The following SPATA6 variants were observed in gnomAD, a reference collection of about 807,000 sequenced individuals.
The protein encoded by SPATA6 is spermatogenesis associated 6.
In SPATA6, 56 loss-of-function variants were observed where a neutral mutation model predicts 65.3. The observed-to-expected ratio is 0.86, with a 90% CI of 0.69 to 1.07. The LOEUF (loss-of-function observed/expected upper bound fraction) is 1.07, where lower values mean the gene tolerates loss of function less well. Ranked by LOEUF, SPATA6 falls within the 50% of genes least tolerant of loss-of-function variation. The probability of loss-of-function intolerance (pLI) is 0.00; values close to 1 mark genes in which losing one functional copy is unlikely to be tolerated. For synonymous variants in SPATA6, 199 were observed against 213.2 expected (o/e 0.93, Z 0.58); for missense variants, 590 against 594.8 (o/e 0.99, Z 0.08).
intron 10 of SPATA6, among the ~76,000 whole-genome samples, chr1:48,356,545 G>A (rs1322722261): frequency 2.4e-5 from 3 of 126,494 alleles, no homozygotes; most frequent in East Asian, 4.4e-4. Flanking sequence ...ACGGAGTCTC[G>A]CTCTGTCACC....
intron 11 of SPATA6, among the ~76,000 whole-genome samples, chr1:48,311,396 A>G (rs1021226614): frequency 9.2e-5 from 14 of 152,116 alleles, no homozygotes; most frequent in African/African-American, 3.4e-4. Flanking sequence ...GTAATAAGGA[A>G]ATGCATGAAA....
intron 11 of SPATA6, among the ~76,000 whole-genome samples, chr1:48,317,836 G>A (rs1041651431): frequency 6.6e-6 from 1 of 152,038 alleles, no homozygotes; most frequent in Non-Finnish European, 1.5e-5. Flanking sequence ...TTATTCCTTT[G>A]ATACCAAAAG....
chr1:48,467,358 G>C (rs1657890183), intron 1 of SPATA6, among the ~76,000 whole-genome samples: 2 of 152,064 alleles, frequency 1.3e-5, no homozygotes, highest in Admixed American at 1.3e-4. Flanking sequence ...GGCAATCAAA[G>C]ATAACACCTA....
chr1:48,437,677 G>A (rs1279561323), intron 3 of SPATA6, among the ~76,000 whole-genome samples: 39 of 152,238 alleles, frequency 2.6e-4, no homozygotes, highest in Non-Finnish European at 1.5e-5. Context: ...TTTTCTGGTA[G>A]AGGGAAAATG....
intron 8 of SPATA6, among the ~76,000 whole-genome samples, chr1:48,388,153 C>G (rs970351359): frequency 3.3e-5 from 5 of 152,104 alleles, no homozygotes; most frequent in Non-Finnish European, 7.4e-5. Context: ...TGTCCCAGTC[C>G]TCAGCAAAAC....
At chr1:48,445,805 T>C (rs1247245340) in intron 3 of SPATA6, among the ~76,000 whole-genome samples, 1 of 151,854 alleles carries the variant, frequency 6.6e-6, no homozygotes, top group East Asian at 1.9e-4. Context: ...TGATGAAAAG[T>C]ATGGAACACA....
chr1:48,271,838 C>T, the SPATA6 span, among the ~76,000 whole-genome samples: 1 of 151,972 alleles, frequency 6.6e-6, no homozygotes, highest in Non-Finnish European at 1.5e-5. Flanking sequence ...ATGACCCTTC[C>T]CTAGAAGAGC....
intron 3 of SPATA6, among the ~76,000 whole-genome samples, chr1:48,441,886 T>C (rs1024478987): frequency 6.6e-6 from 1 of 152,150 alleles, no homozygotes; most frequent in African/African-American, 2.4e-5. Flanking sequence ...AAAGGAAGTT[T>C]ATGGCTATCA....
At chr1:48,363,802 T>C (rs562223871) in intron 9 of SPATA6, among the ~76,000 whole-genome samples, 7 of 151,668 alleles carry the variant, frequency 4.6e-5, no homozygotes, top group African/African-American at 1.4e-4. Context: ...TTTTTAAATT[T>C]ATTTTATTAT....
At chr1:48,377,487 G>T (rs1648053306) in intron 9 of SPATA6, among the ~76,000 whole-genome samples, 1 of 151,998 alleles carries the variant, frequency 6.6e-6, no homozygotes, top group Non-Finnish European at 1.5e-5. Flanking sequence ...CATCTTCAAA[G>T]CTCAACATCC....
chr1:48,455,097 A>C (rs80277296), intron 1 of SPATA6, among the ~76,000 whole-genome samples: 1 of 152,242 alleles, frequency 6.6e-6, no homozygotes, highest in East Asian at 1.9e-4. Context: ...TCTGTCCATA[A>C]GGTTCATTTC....
intron 11 of SPATA6, among the ~76,000 whole-genome samples, chr1:48,311,956 G>A (rs1011085962): frequency 6.6e-6 from 1 of 152,190 alleles, no homozygotes; most frequent in Non-Finnish European, 1.5e-5. Flanking sequence ...TACGCCCACG[G>A]AGCCTCACTC....
At chr1:48,354,769 G>C (rs1646609982) in intron 11 of SPATA6, among the ~76,000 whole-genome samples, 1 of 151,782 alleles carries the variant, frequency 6.6e-6, no homozygotes, top group Admixed American at 6.6e-5. Context: ...TTTACACTTG[G>C]AATAGCAGTA....
intron 11 of SPATA6, among the ~76,000 whole-genome samples, chr1:48,324,063 T>C (rs1316831128): frequency 2.0e-5 from 3 of 152,090 alleles, no homozygotes; most frequent in African/African-American, 7.2e-5. Context: ...AATTCTCCCA[T>C]CTCAGCCTCC....
intron 11 of SPATA6, among the ~76,000 whole-genome samples, chr1:48,313,369 A>G (rs886420993): frequency 8.5e-5 from 13 of 152,204 alleles, no homozygotes; most frequent in Non-Finnish European, 1.6e-4. Context: ...TACAAGCCAG[A>G]AGAGAGTGGG....
At chr1:48,328,865 G>A (rs896379409) in intron 11 of SPATA6, among the ~76,000 whole-genome samples, 1 of 152,122 alleles carries the variant, frequency 6.6e-6, no homozygotes, top group South Asian at 2.1e-4. Flanking sequence ...ACAGATAAAA[G>A]AGGGTAAATA....
chr1:48,291,085 A>G (rs925466187), downstream of SPATA6, among the ~76,000 whole-genome samples: 18 of 152,192 alleles, frequency 1.2e-4, no homozygotes, highest in African/African-American at 3.9e-4. Flanking sequence ...AAAACTGACC[A>G]CATAGCTGGA....
intron 3 of SPATA6, among the ~76,000 whole-genome samples, chr1:48,430,809 C>T (rs1654328586): frequency 6.6e-6 from 1 of 152,010 alleles, no homozygotes; most frequent in Non-Finnish European, 1.5e-5. Context: ...TTAAACAATT[C>T]ATTACCAAAA....
At chr1:48,276,352 A>G in the SPATA6 span, among the ~76,000 whole-genome samples, 2 of 150,052 alleles carry the variant, frequency 1.3e-5, no homozygotes, top group Non-Finnish European at 1.5e-5. Context: ...TTCTTCTCTG[A>G]TCTTATTTCT....
Sources: gnomAD v4.1 joint callset for allele counts (sites outside exome capture counted in the v4.1 genomes callset) on GRCh38, gnomAD v4.1.1 for gene constraint, MANE v1.5 for transcripts, NCBI Gene and HGNC (gene_info 2026-07-23, HGNC 2026-07-21) for gene names.